The following DHX8 variants were observed in gnomAD, a reference collection of about 807,000 sequenced individuals.
DHX8 encodes the protein ATP-dependent RNA helicase DHX8.
Under a neutral mutation model 140.7 loss-of-function variants are expected in DHX8, and 67 were observed. That is an observed-to-expected ratio of 0.48 (90% CI 0.39 to 0.58). The LOEUF (loss-of-function observed/expected upper bound fraction) is 0.58, where lower values mean the gene tolerates loss of function less well. Ranked by LOEUF, DHX8 falls within the 20% of genes least tolerant of loss-of-function variation. DHX8 has a pLI of 0.00. For synonymous variants in DHX8, 533 were observed against 553.2 expected, an observed-to-expected ratio of 0.96 and a Z score of 0.51; for missense variants, 887 against 1,550.7, an observed-to-expected ratio of 0.57 and a Z score of 7.19.
chr17:43,505,748 T>C (rs549431115), intron 12 of DHX8, among the ~76,000 whole-genome samples: 4 of 152,128 alleles, frequency 2.6e-5, no homozygotes, highest in Non-Finnish European at 5.9e-5. Context: ...TATGGGCAAC[T>C]CATAGAGTGC....
intron 3 of DHX8, among the ~76,000 whole-genome samples, chr17:43,542,199 C>G (rs762315250): frequency 6.6e-6 from 1 of 152,098 alleles, no homozygotes; most frequent in Middle Eastern, 3.2e-3. Flanking sequence ...CTGATAAAAG[C>G]TATGGGTCAT....
chr17:43,512,514 G>T (rs1310353744), intron 16 of DHX8, among the ~76,000 whole-genome samples: 1 of 152,160 alleles, frequency 6.6e-6, no homozygotes, highest in African/African-American at 2.4e-5. Context: ...CAGGTTTCTG[G>T]CTTGGGCAGC....
In DHX8 at chr17:43,536,274, G is replaced by A. The variant is rs1001882311; in HGVS notation, c.351-138G>A. ...ATGTCAAGCCCCAGATTTCAACCAAGGTTTTCATTCCAGTTATTGCCTTGG... is the reference window on the plus strand; with the variant it reads ...ATGTCAAGCCCCAGATTTCAACCAAAGTTTTCATTCCAGTTATTGCCTTGG... On this transcript the variant is annotated intron_variant, in intron 2 of 3. Transcript: ENST00000589898. 3.9e-5 allele frequency: 28 copies of A among 719,856 alleles called. No individual in the cohort carries two copies. In the Admixed American group the frequency reaches 6.3e-4, roughly 16 times the overall value. 44.6% of individuals were successfully genotyped at this position (719,856 alleles called of 1,614,324 possible).
downstream of DHX8, chr17:43,529,338 A>C: frequency 1.4e-6 from 2 of 1,415,280 alleles, no homozygotes; most frequent in Non-Finnish European, 2.0e-6. Flanking sequence ...CAAAGTGCCA[A>C]GCTAGCTCTG....
rs143335361 is a variant in DHX8, at chr17:43,492,798, A to G, written c.621A>G (p.Arg207=). Residue 207 remains arginine (R), a synonymous_variant, in exon 6 of 23, where the codon CGA becomes CGG. Transcript: ENST00000262415. The part of the protein sequence containing the change: ...DHKRRHRSRS[R]SRSRTRERNK... ...AGCGGAGACACCGATCCCGCTCTCGATCACGTTCCAGGACCCGGGAGAGGA... is the reference window on the plus strand; with the variant it reads ...AGCGGAGACACCGATCCCGCTCTCGGTCACGTTCCAGGACCCGGGAGAGGA... 3.7e-4 allele frequency: 602 copies of G among 1,614,048 alleles called. No individual in the cohort carries two copies. The highest frequency in any genetic ancestry group is 4.8e-4 in the Non-Finnish European group (565 of 1,180,022).
At chr17:43,512,968 A>C (rs1311921742) in intron 16 of DHX8, among the ~76,000 whole-genome samples, 1 of 152,192 alleles carries the variant, frequency 6.6e-6, no homozygotes, top group Non-Finnish European at 1.5e-5. Context: ...GGTAGGGGAA[A>C]GAAAAATCTC....
intron 17 of DHX8, among the ~76,000 whole-genome samples, chr17:43,514,383 C>G: frequency 6.6e-6 from 1 of 151,950 alleles, no homozygotes; most frequent in Non-Finnish European, 1.5e-5. Context: ...AAAACTAGAA[C>G]ATAAAAAAAG....
At chr17:43,508,722 C>T (rs1969626140) in intron 16 of DHX8, among the ~76,000 whole-genome samples, 2 of 151,874 alleles carry the variant, frequency 1.3e-5, no homozygotes, top group Non-Finnish European at 2.9e-5. Flanking sequence ...CGGGTTCACG[C>T]CATTCTCCTG....
At position 43,532,664 on chromosome 17, in the gene DHX8, A is replaced by C. The variant is rs777537367; in HGVS notation, c.351-3748A>C. 4.4e-6 allele frequency: 7 copies of C among 1,605,134 alleles called. No individual in the cohort carries two copies. The South Asian group carries it at 7.7e-5, about 18-fold the overall frequency. On this transcript the variant is annotated intron_variant, in intron 2 of 3. Coordinates refer to the DHX8 transcript ENST00000589898. ...ATCACATGCCACCCTGCCCCACCCC[A>C]GTCTCTTACCTGAGTCGTAGGCGAA...
intron 1 of DHX8, among the ~76,000 whole-genome samples, chr17:43,488,610 T>TAAAAA (rs60524796): frequency 2.1e-5 from 3 of 142,300 alleles, no homozygotes; most frequent in Non-Finnish European, 4.6e-5. Context: ...GACTCTGTCT[T>TAAAAA]AAAAAAAAAA....
chr17:43,489,649 G>GGAGAA, intron 2 of DHX8, 115 bp downstream of exon 2: 2 of 686,412 alleles, frequency 2.9e-6, no homozygotes, highest in African/African-American at 3.8e-5. Context: ...GGAGTGCAGT[G>GGAGAA]GCGCCACCTC....
intron 12 of DHX8, 96 bp from the exon 13 acceptor site, chr17:43,506,907 A>T (rs979554705): frequency 1.4e-5 from 12 of 881,980 alleles, no homozygotes; most frequent in Non-Finnish European, 1.8e-5. Context: ...TTCCAGAGTA[A>T]TGTAGATTTT....
rs752232960 is a variant in DHX8 at position 43,490,434 on chromosome 17, G to A, written c.278G>A (p.Arg93Gln). Residue 93 changes from arginine (R) to glutamine (Q), a missense_variant, in exon 3 of 23, where the codon CGG (arginine) becomes CAG (glutamine). Transcript: ENST00000262415. ...SNLLRLIQTM[R>Q]PPAKPSTSKD... is the part of the protein sequence containing the mutation. ...TTGCTGCGTCTCATACAAACCATGC[G>A]GCCTCCAGCGAAGCCTTCCACTAGC... The A allele has an allele frequency of 8.7e-6, 14 of 1,613,590 alleles. No individual in the cohort carries two copies. Among genetic ancestry groups the A allele is most frequent in the African/African-American group, 2.7e-5 (2 of 74,910 alleles).
chr17:43,505,425 T>C (rs1466586788), intron 12 of DHX8, among the ~76,000 whole-genome samples: 1 of 150,634 alleles, frequency 6.6e-6, no homozygotes, highest in Non-Finnish European at 1.5e-5. Flanking sequence ...AAAAATTACC[T>C]GGGTGTGGTG....
chr17:43,520,964 CTTTTTTTTT>C (rs10672223), intron 20 of DHX8, 85 bp downstream of exon 20: 14 of 399,634 alleles, frequency 3.5e-5, no homozygotes, highest in African/African-American at 2.6e-4. Context: ...TTGATGTGGA[CTTTTTTTTT>C]TTTTTTTTTT....
intron 22 of DHX8, 25 bp downstream of exon 22, chr17:43,522,251 A>G (rs1014177144): frequency 3.1e-6 from 5 of 1,595,744 alleles, no homozygotes; most frequent in Middle Eastern, 1.7e-4. Context: ...CCCAGGGTCT[A>G]GGGGCTTTTC....
In DHX8 at chr17:43,524,915, A is replaced by ATAGCCACC; in HGVS notation, c.*1070_*1077dup. 1.0e-5 allele frequency: 10 copies of ATAGCCACC among 984,886 alleles called. No homozygotes were observed. Among genetic ancestry groups the ATAGCCACC allele is most frequent in the Non-Finnish European group, 1.2e-5 (10 of 829,866 alleles). The allele number at this position is 984,886 out of a possible 1,614,324, so 61.0% of individuals were successfully genotyped here. Reference sequence around the variant, plus strand: ...TTTTTTCCTAGCACTTGCTTGGAGAATAGCCACCTCCTTGTGCCCTCCTCA... The same window carrying ATAGCCACC: ...TTTTTTCCTAGCACTTGCTTGGAGAATAGCCACCTAGCCACCTCCTTGTGCCCTCCTCA... On this transcript the variant is annotated 3_prime_UTR_variant, in exon 23 of 23. Coordinates refer to ENST00000262415, the MANE Select transcript of DHX8 (RefSeq NM_004941.3).
chr17:43,526,781 AT>A, downstream of DHX8: 1 of 1,114,736 alleles, frequency 9.0e-7, no homozygotes. Context: ...TAAATTATAT[AT>A]TTTTAAAACC....
Position 43,525,444 on chromosome 17 carries a change from C to T in DHX8, c.*1597C>T. On this transcript the variant is annotated 3_prime_UTR_variant, in exon 23 of 23. Coordinates refer to ENST00000262415, the MANE Select transcript of DHX8 (RefSeq NM_004941.3). ...CCAGGCAATCTGCTGGCTGCAGATCCCTGCCCCTTCATTAAGCTGAGTGCC... is the reference window on the plus strand; with the variant it reads ...CCAGGCAATCTGCTGGCTGCAGATCTCTGCCCCTTCATTAAGCTGAGTGCC... 1 of 984,540 alleles carries T rather than the reference C, an allele frequency of 1.0e-6. No individual in the cohort carries two copies. The highest frequency in any genetic ancestry group is 1.2e-6 in the Non-Finnish European group (1 of 829,140). 61.0% of individuals were successfully genotyped at this position (984,540 alleles called of 1,614,324 possible). A position where few individuals can be genotyped will look rare whatever the true frequency, so the allele number is the denominator to read the frequency against.
Sources: allele counts gnomAD v4.1 joint callset (sites outside exome capture counted in the v4.1 genomes callset), GRCh38; gene constraint gnomAD v4.1.1; transcripts MANE v1.5; gene names NCBI Gene and HGNC (gene_info 2026-07-23, HGNC 2026-07-21).